The following GNAL variants were observed in gnomAD, a reference collection of about 807,000 sequenced individuals.
The protein encoded by GNAL is guanine nucleotide-binding protein G(olf) subunit alpha.
In GNAL, 18 loss-of-function variants were observed where a neutral mutation model predicts 55.1. The observed-to-expected ratio is 0.33, with a 90% CI of 0.23 to 0.48. The LOEUF is 0.48. Among genes scored for constraint, GNAL ranks in the 20% least tolerant of loss-of-function variants. The probability of loss-of-function intolerance (pLI) is 0.99; values close to 1 mark genes in which losing one functional copy is unlikely to be tolerated. For missense variants in GNAL, 412 were observed against 614.1 expected, an observed-to-expected ratio of 0.67 and a Z score of 3.48; for synonymous variants, 253 against 237.0, an observed-to-expected ratio of 1.07 and a Z score of -0.62.
intron 4 of GNAL, among the ~76,000 whole-genome samples, chr18:11,768,169 T>C (rs772664889): frequency 2.6e-5 from 4 of 152,232 alleles, no homozygotes; most frequent in Non-Finnish European, 4.4e-5. Context: ...TGGCATATAG[T>C]TATGCTCAGT....
At chr18:11,735,054 T>C (rs1056760381) in intron 1 of GNAL, among the ~76,000 whole-genome samples, 1 of 150,602 alleles carries the variant, frequency 6.6e-6, no homozygotes, top group African/African-American at 2.5e-5. Context: ...ATTGTTTTTG[T>C]GGGGGTTTTT....
chr18:11,694,979 A>G (rs1326521762), intron 1 of GNAL, among the ~76,000 whole-genome samples: 2 of 152,084 alleles, frequency 1.3e-5, no homozygotes, highest in African/African-American at 4.8e-5. Context: ...CTGCGGGATT[A>G]GGGCCCCACC....
At chr18:11,809,683 A>G (rs985619978) in intron 4 of GNAL, among the ~76,000 whole-genome samples, 2 of 152,222 alleles carry the variant, frequency 1.3e-5, no homozygotes, top group African/African-American at 4.8e-5. Flanking sequence ...CAGTGAACCA[A>G]GATCAAGCCA....
At position 11,794,759 on chromosome 18, in the gene GNAL, TAAAAAA is replaced by T. The variant is rs775143875; in HGVS notation, c.625-30139_625-30134del. On this transcript the variant is annotated intron_variant, in intron 4 of 11. Transcript: ENST00000334049. ...TCACTTCAATTAAAAACACACAGGT[TAAAAAA>T]AAAAAAAAAAAAAAAAAAAGGACAG... Among the ~76,000 whole-genome samples the T allele has an allele frequency of 1.1e-4, 10 of 90,364 alleles. No individual in the cohort carries two copies. The East Asian group carries it at 2.9e-3, about 26-fold the overall frequency. The allele number at this position is 90,364 out of a possible 152,430, so 59.3% of individuals were successfully genotyped here.
In GNAL at chr18:11,880,335, G is replaced by A. The variant is rs1335659711; in HGVS notation, c.1231-654G>A. Among the ~76,000 whole-genome samples, 13 of 150,852 alleles carry A rather than the reference G, an allele frequency of 8.6e-5. 2 individuals carry two copies. Among genetic ancestry groups the A allele is most frequent in the East Asian group, 4.1e-4 (2 of 4,910 alleles). ...TATAATCCCAGCACTTTGGGAGGCC[G>A]AGGTGGGCGGATCACTTGAGGTCAG... is the stretch of plus-strand genomic sequence containing the variant. On this transcript the variant is annotated intron_variant, in intron 11 of 11. Coordinates refer to ENST00000334049, the MANE Select transcript of GNAL (RefSeq NM_182978.4).
intron 4 of GNAL, among the ~76,000 whole-genome samples, chr18:11,823,496 A>G (rs2035159152): frequency 6.6e-6 from 1 of 152,188 alleles, no homozygotes; most frequent in South Asian, 2.1e-4. Context: ...TGGGTACCTC[A>G]CTTCTACTCC....
chr18:11,778,630 A>G (rs918623286), intron 4 of GNAL, among the ~76,000 whole-genome samples: 1 of 152,200 alleles, frequency 6.6e-6, no homozygotes. Context: ...CTGAAGGCCC[A>G]TGCAGGCTCT....
intron 4 of GNAL, among the ~76,000 whole-genome samples, chr18:11,816,462 A>C (rs572427496): frequency 1.3e-5 from 2 of 151,954 alleles, no homozygotes; most frequent in Non-Finnish European, 2.9e-5. Flanking sequence ...ACACCCAGCT[A>C]ATTTTTTTGT....
Position 11,881,412 on chromosome 18 carries a change from A to G in GNAL, c.*277A>G. 1 of 357,520 alleles carries G rather than the reference A, an allele frequency of 2.8e-6. No homozygotes were observed. The highest frequency in any genetic ancestry group is 5.2e-6 in the Non-Finnish European group (1 of 192,546). 22.1% of individuals were successfully genotyped at this position (357,520 alleles called of 1,614,324 possible). ...TCTCCGGGTGGGAGCCCCATTATTC[A>G]TTCTCCCTTTATTGATTCATCGAGG... is the stretch of plus-strand genomic sequence containing the variant. On this transcript the variant is annotated 3_prime_UTR_variant, in exon 12 of 12. Transcript: ENST00000334049. This position sits in a 1 kb window ranked among gnomAD's most constrained non-coding sequence, Gnocchi z 4.8.
chr18:11,862,566 G>T, intron 6 of GNAL, 117 bp downstream of exon 6: 1 of 883,474 alleles, frequency 1.1e-6, no homozygotes, highest in Non-Finnish European at 1.8e-6. Flanking sequence ...CCTACTTTTT[G>T]CAAATTGTTT....
chr18:11,880,857 T>G, intron 11 of GNAL, 132 bp from the exon 12 acceptor site: 1 of 886,528 alleles, frequency 1.1e-6, no homozygotes, highest in Admixed American at 2.4e-5. Flanking sequence ...CATTCCTGCC[T>G]CTAAGTGCTC....
At chr18:11,841,974 GA>G (rs1445051786) in intron 5 of GNAL, among the ~76,000 whole-genome samples, 1 of 151,110 alleles carries the variant, frequency 6.6e-6, no homozygotes, top group Non-Finnish European at 1.5e-5. Flanking sequence ...TTTTAGTTCA[GA>G]TTTTTTTTTT....
chr18:11,793,344 G>A (rs993649692), intron 4 of GNAL, among the ~76,000 whole-genome samples: 10 of 152,186 alleles, frequency 6.6e-5, no homozygotes, highest in Admixed American at 2.0e-4. Flanking sequence ...GGGAGGCTGA[G>A]GTGGGAGGAT....
chr18:11,714,703 C>A (rs2031912810), intron 1 of GNAL, among the ~76,000 whole-genome samples: 1 of 152,248 alleles, frequency 6.6e-6, no homozygotes, highest in Admixed American at 6.5e-5. Context: ...GTGAGGGAGG[C>A]CACCTGGGGA....
chr18:11,748,897 G>C (rs1242348196), intron 1 of GNAL, among the ~76,000 whole-genome samples: 1 of 152,160 alleles, frequency 6.6e-6, no homozygotes. Flanking sequence ...GGCCGAGGCG[G>C]TTGGATCACT....
intron 5 of GNAL, chr18:11,852,771 T>C (rs950860653): frequency 4.8e-5 from 8 of 166,932 alleles, no homozygotes; most frequent in African/African-American, 7.2e-5. Context: ...TTTCACGTGA[T>C]AATTGTCTTT....
rs1246654038 is a variant in GNAL, at chr18:11,752,374, ACT to A, written c.377-474_377-473del. On this transcript the variant is annotated intron_variant, in intron 1 of 11. Transcript: ENST00000334049. The surrounding 1 kb of genome is among the most constrained non-coding windows in gnomAD (Gnocchi z 4.5). ...GTCGCAGGAGCCGCACACGTCTCCA[ACT>A]CTCTATTGCTTTTTGCGCACATTCC... 4.5e-6 allele frequency: 7 copies of A among 1,555,608 alleles called. No individual in the cohort carries two copies. The highest frequency in any genetic ancestry group is 4.3e-5 in the African/African-American group (3 of 70,238).
intron 10 of GNAL, 60 bp downstream of exon 10, chr18:11,872,458 G>A: frequency 1.8e-6 from 2 of 1,090,230 alleles, no homozygotes; most frequent in Non-Finnish European, 2.7e-6. Context: ...TAATAGTCCT[G>A]TAACTCTAAT....
chr18:11,853,214 T>C (rs1308897254), intron 5 of GNAL: 1 of 167,106 alleles, frequency 6.0e-6, no homozygotes, highest in African/African-American at 2.4e-5. Flanking sequence ...TACTTAGCCA[T>C]GCAAGTCATT....
Sources: allele counts gnomAD v4.1 joint callset (sites outside exome capture counted in the v4.1 genomes callset), GRCh38; gene constraint gnomAD v4.1.1; non-coding constraint Gnocchi (gnomAD v3.1); transcripts MANE v1.5; gene names NCBI Gene and HGNC (gene_info 2026-07-23, HGNC 2026-07-21).